The following TFEC variants were observed in gnomAD, a reference collection of about 807,000 sequenced individuals.
The protein encoded by TFEC is transcription factor EC.
A neutral mutation model predicts 41.6 loss-of-function variants in TFEC; 31 were observed. The ratio of observed to expected loss-of-function variants is 0.74; its 90% CI spans 0.56 to 1.01. The LOEUF (loss-of-function observed/expected upper bound fraction) is 1.01, where lower values mean the gene tolerates loss of function less well. Ranked by LOEUF, TFEC falls within the 50% of genes least tolerant of loss-of-function variation. The probability of loss-of-function intolerance (pLI) is 0.00; values close to 1 mark genes in which losing one functional copy is unlikely to be tolerated. For synonymous variants in TFEC, 143 were observed against 140.6 expected, an observed-to-expected ratio of 1.02 and a Z score of -0.12; for missense variants, 402 against 404.1, an observed-to-expected ratio of 0.99 and a Z score of 0.04.
intron 3 of TFEC, among the ~76,000 whole-genome samples, chr7:116,104,148 C>T (rs1437717073): frequency 6.6e-6 from 1 of 152,176 alleles, no homozygotes; most frequent in African/African-American, 2.4e-5. Flanking sequence ...ATTCTCTCTG[C>T]TTTATTACCT....
At chr7:115,956,823 TAAA>T in intron 3 of TFEC, 30 bp from the exon 4 acceptor site, 1 of 1,427,498 alleles carries the variant, frequency 7.0e-7, no homozygotes, top group Non-Finnish European at 9.6e-7. Context: ...AAAAGATTAA[TAAA>T]AACCTTCTGT....
chr7:116,086,157 A>G (rs561503841), intron 3 of TFEC, among the ~76,000 whole-genome samples: 3 of 151,926 alleles, frequency 2.0e-5, no homozygotes, highest in African/African-American at 7.2e-5. Context: ...AAGTATTTTC[A>G]TTCTAATGAT....
At chr7:116,125,497 G>C (rs1453047070) in intron 1 of TFEC, among the ~76,000 whole-genome samples, 19 of 152,140 alleles carry the variant, frequency 1.2e-4, no homozygotes, top group Admixed American at 1.2e-3. Flanking sequence ...AGACCATCAT[G>C]GTTGTGCTTT....
intron 3 of TFEC, among the ~76,000 whole-genome samples, chr7:116,058,227 G>A (rs1796473837): frequency 6.6e-6 from 1 of 151,586 alleles, no homozygotes; most frequent in Non-Finnish European, 1.5e-5. Context: ...AAGGCAATTG[G>A]AATGGCTATA....
At chr7:116,151,888 T>C (rs994290169) in intron 1 of TFEC, among the ~76,000 whole-genome samples, 3 of 152,154 alleles carry the variant, frequency 2.0e-5, no homozygotes, top group African/African-American at 4.8e-5. Context: ...AGGAAGCACC[T>C]TGGATGTAAA....
intron 1 of TFEC, among the ~76,000 whole-genome samples, chr7:116,143,332 A>G (rs1798578550): frequency 6.6e-6 from 1 of 152,166 alleles, no homozygotes; most frequent in Non-Finnish European, 1.5e-5. Context: ...CTGCACCTCT[A>G]TACTATGAGA....
At chr7:116,039,754 CT>C (rs1215017622) in intron 3 of TFEC, among the ~76,000 whole-genome samples, 1 of 151,380 alleles carries the variant, frequency 6.6e-6, no homozygotes, top group Admixed American at 6.6e-5. Flanking sequence ...TTTTTTATTC[CT>C]TTGGTGGTTA....
chr7:116,158,428 G>T (rs561855653), intron 1 of TFEC, among the ~76,000 whole-genome samples: 1 of 152,060 alleles, frequency 6.6e-6, no homozygotes, highest in Admixed American at 6.6e-5. Flanking sequence ...AACATCTGAA[G>T]CATGAATTCC....
chr7:116,082,793 T>C (rs1797120470), intron 3 of TFEC, among the ~76,000 whole-genome samples: 1 of 151,944 alleles, frequency 6.6e-6, no homozygotes, highest in East Asian at 1.9e-4. Context: ...ACAACAAGGC[T>C]CTATTTAAAT....
chr7:115,989,954 AC>A (rs1233962539), intron 1 of TFEC, among the ~76,000 whole-genome samples: 1 of 151,792 alleles, frequency 6.6e-6, no homozygotes, highest in Non-Finnish European at 1.5e-5. Context: ...CCCCCAAATA[AC>A]CTAACTGGCA....
At chr7:116,017,433 G>A (rs563236278) in intron 1 of TFEC, among the ~76,000 whole-genome samples, 12 of 152,048 alleles carry the variant, frequency 7.9e-5, no homozygotes, top group Admixed American at 5.9e-4. Flanking sequence ...CATATTGGCC[G>A]GCTGGTCTCG....
At chr7:116,152,436 G>A (rs940099525) in intron 1 of TFEC, among the ~76,000 whole-genome samples, 1 of 152,206 alleles carries the variant, frequency 6.6e-6, no homozygotes, top group African/African-American at 2.4e-5. Flanking sequence ...GAGCTGCAAA[G>A]AGAAGAAGCT....
At chr7:116,029,437 G>T (rs1052810084) in intron 1 of TFEC, among the ~76,000 whole-genome samples, 1 of 152,040 alleles carries the variant, frequency 6.6e-6, no homozygotes, top group Non-Finnish European at 1.5e-5. Context: ...AATAAACTGC[G>T]TACCATTTCA....
chr7:115,940,961 A>G, intron 7 of TFEC, 30 bp from the exon 8 acceptor site: 1 of 1,533,286 alleles, frequency 6.5e-7, no homozygotes, highest in Non-Finnish European at 8.8e-7. Flanking sequence ...TCATTAAATA[A>G]TGTCTTTGAA....
chr7:116,112,069 GT>G, intron 1 of TFEC: 1 of 952,276 alleles, frequency 1.1e-6, no homozygotes, highest in Non-Finnish European at 1.3e-6. Context: ...AGAAGTTACT[GT>G]TTTTTAACTT....
intron 2 of TFEC, among the ~76,000 whole-genome samples, chr7:115,976,053 T>A (rs984338302): frequency 2.0e-5 from 3 of 152,170 alleles, no homozygotes; most frequent in Admixed American, 6.5e-5. Flanking sequence ...CATGCCCTCA[T>A]ATGACTACTA....
At chr7:115,976,924 A>T (rs781032932) in intron 2 of TFEC, among the ~76,000 whole-genome samples, 4 of 152,150 alleles carry the variant, frequency 2.6e-5, no homozygotes, top group Non-Finnish European at 4.4e-5. Flanking sequence ...GGTTTCCCTT[A>T]TTCCAGAAAG....
chr7:116,152,761 A>T (rs753023860), intron 1 of TFEC, among the ~76,000 whole-genome samples: 8 of 152,232 alleles, frequency 5.3e-5, no homozygotes, highest in Non-Finnish European at 1.0e-4. Context: ...TGAGCGACTT[A>T]ATTGCATCCT....
chr7:116,008,362 C>T (rs915218718), intron 1 of TFEC, among the ~76,000 whole-genome samples: 1 of 152,010 alleles, frequency 6.6e-6, no homozygotes, highest in Non-Finnish European at 1.5e-5. Flanking sequence ...TCACCAAATA[C>T]ATACACACAT....
Sources: gnomAD v4.1 joint callset for allele counts (sites outside exome capture counted in the v4.1 genomes callset) on GRCh38, gnomAD v4.1.1 for gene constraint, MANE v1.5 for transcripts, NCBI Gene and HGNC (gene_info 2026-07-23, HGNC 2026-07-21) for gene names.